CCSER1: variants seen among roughly 807,000 people sequenced by gnomAD.
CCSER1 encodes the protein coiled-coil serine rich protein 1, also known as serine-rich coiled-coil domain-containing protein 1.
CCSER1 carries 41 observed loss-of-function variants against 82.0 expected under a neutral mutation model. The ratio of observed to expected loss-of-function variants is 0.50; its 90% CI spans 0.39 to 0.65. The LOEUF (loss-of-function observed/expected upper bound fraction) is 0.65. Among genes scored for constraint, CCSER1 ranks in the 30% least tolerant of loss-of-function variants. The pLI, the probability that CCSER1 is intolerant of heterozygous loss-of-function variation, is 0.00. For missense variants in CCSER1, 1,119 were observed against 1,064.2 expected, an observed-to-expected ratio of 1.05 and a Z score of -0.72; for synonymous variants, 414 against 383.9, an observed-to-expected ratio of 1.08 and a Z score of -0.92.
At chr4:91,189,343 A>ATC (rs1317447358) in intron 10 of CCSER1, among the ~76,000 whole-genome samples, 59 of 152,322 alleles carry the variant, frequency 3.9e-4, no homozygotes, top group African/African-American at 1.4e-3. Flanking sequence ...TTTAGAGTAC[A>ATC]TGAATGTACT....
intron 9 of CCSER1, among the ~76,000 whole-genome samples, chr4:91,031,003 G>C (rs971803977): frequency 1.4e-4 from 22 of 152,136 alleles, no homozygotes; most frequent in African/African-American, 4.6e-4. Context: ...CTGTTAGCCA[G>C]ACATCTTACA....
intron 3 of CCSER1, among the ~76,000 whole-genome samples, chr4:90,360,403 G>C (rs1361059953): frequency 2.0e-5 from 3 of 150,492 alleles, no homozygotes; most frequent in Non-Finnish European, 4.4e-5. Flanking sequence ...GGTGGTGGGT[G>C]CCTGTAGTCC....
intron 3 of CCSER1, among the ~76,000 whole-genome samples, chr4:90,314,361 C>G (rs966361883): frequency 1.3e-5 from 2 of 152,056 alleles, no homozygotes; most frequent in African/African-American, 2.4e-5. Context: ...CCAATTGATG[C>G]ACCATTAAAA....
chr4:91,317,932 G>A (rs901601834), intron 10 of CCSER1, among the ~76,000 whole-genome samples: 3 of 151,950 alleles, frequency 2.0e-5, no homozygotes, highest in African/African-American at 7.2e-5. Context: ...ACTGTGCTTT[G>A]CTCCATTTGG....
intron 10 of CCSER1, among the ~76,000 whole-genome samples, chr4:91,332,209 A>G (rs2149277568): frequency 6.6e-6 from 1 of 152,100 alleles, no homozygotes; most frequent in African/African-American, 2.4e-5. Flanking sequence ...ATAATTATTT[A>G]TAGCATAATT....
intron 7 of CCSER1, among the ~76,000 whole-genome samples, chr4:90,725,981 C>G (rs1362281442): frequency 6.6e-6 from 1 of 151,804 alleles, no homozygotes; most frequent in Non-Finnish European, 1.5e-5. Context: ...TCCTCTTAAC[C>G]TCTTAGCTTA....
intron 9 of CCSER1, among the ~76,000 whole-genome samples, chr4:91,024,089 T>C (rs1188980249): frequency 1.3e-5 from 2 of 152,140 alleles, no homozygotes; most frequent in African/African-American, 4.8e-5. Context: ...CTTCCTCTTA[T>C]AAAGCCACGA....
At chr4:90,891,550 A>C (rs1322650381) in intron 8 of CCSER1, among the ~76,000 whole-genome samples, 1 of 151,984 alleles carries the variant, frequency 6.6e-6, no homozygotes, top group Non-Finnish European at 1.5e-5. Context: ...GTTTAATCAG[A>C]TCAGCTGAAT....
intron 10 of CCSER1, among the ~76,000 whole-genome samples, chr4:91,213,989 C>A (rs770690699): frequency 1.4e-4 from 21 of 152,070 alleles, no homozygotes; most frequent in Non-Finnish European, 2.9e-4. Flanking sequence ...ATAAATAAAA[C>A]CTTTCCTCTA....
chr4:90,479,316 C>A (rs2153596656), intron 5 of CCSER1, among the ~76,000 whole-genome samples: 1 of 152,150 alleles, frequency 6.6e-6, no homozygotes, highest in South Asian at 2.1e-4. Flanking sequence ...AGGAGGAAAA[C>A]TTTTTTTCAT....
At chr4:90,466,102 G>T (rs1466350033) in intron 4 of CCSER1, among the ~76,000 whole-genome samples, 1 of 152,170 alleles carries the variant, frequency 6.6e-6, no homozygotes, top group Non-Finnish European at 1.5e-5. Flanking sequence ...AGATGATAGG[G>T]CATCACTGCT....
At chr4:90,361,121 T>C (rs995230307) in intron 3 of CCSER1, among the ~76,000 whole-genome samples, 21 of 152,320 alleles carry the variant, frequency 1.4e-4, no homozygotes, top group African/African-American at 5.1e-4. Context: ...TCCTAAGAAA[T>C]GACAATCTAT....
chr4:91,051,231 G>A (rs1742977565), intron 9 of CCSER1, among the ~76,000 whole-genome samples: 1 of 152,106 alleles, frequency 6.6e-6, no homozygotes, highest in African/African-American at 2.4e-5. Flanking sequence ...TGAGCCCAAT[G>A]CAAATTATAT....
At chr4:91,369,598 ACTAT>A in intron 10 of CCSER1, among the ~76,000 whole-genome samples, 1 of 150,520 alleles carries the variant, frequency 6.6e-6, no homozygotes, top group African/African-American at 2.4e-5. Flanking sequence ...TAGAAGATTG[ACTAT>A]CAATTAGACA....
At chr4:90,193,950 A>C (rs1253287963) in intron 1 of CCSER1, among the ~76,000 whole-genome samples, 1 of 152,050 alleles carries the variant, frequency 6.6e-6, no homozygotes, top group Non-Finnish European at 1.5e-5. Context: ...TGGTCATTTA[A>C]ATATGCTGTA....
intron 5 of CCSER1, among the ~76,000 whole-genome samples, chr4:90,530,675 A>G (rs958689523): frequency 6.6e-6 from 1 of 152,094 alleles, no homozygotes; most frequent in African/African-American, 2.4e-5. Context: ...TATGTTATTG[A>G]CTATGTTAAT....
intron 9 of CCSER1, among the ~76,000 whole-genome samples, chr4:91,028,673 A>G (rs1254067027): frequency 6.6e-6 from 1 of 151,706 alleles, no homozygotes; most frequent in Non-Finnish European, 1.5e-5. Flanking sequence ...TTGTTTCTTT[A>G]GAGCTTGTTA....
At chr4:90,198,385 C>T (rs1736999381) in intron 1 of CCSER1, among the ~76,000 whole-genome samples, 1 of 152,100 alleles carries the variant, frequency 6.6e-6, no homozygotes, top group South Asian at 2.1e-4. Flanking sequence ...AACTATTTGC[C>T]AGGAACCAGA....
chr4:90,194,161 G>A (rs1736168590), intron 1 of CCSER1, among the ~76,000 whole-genome samples: 1 of 151,998 alleles, frequency 6.6e-6, no homozygotes, highest in South Asian at 2.1e-4. Flanking sequence ...TTATAGTTTG[G>A]CACAAATAGC....
Sources: gnomAD v4.1 joint callset for allele counts (sites outside exome capture counted in the v4.1 genomes callset) on GRCh38, gnomAD v4.1.1 for gene constraint, MANE v1.5 for transcripts, NCBI Gene and HGNC (gene_info 2026-07-23, HGNC 2026-07-21) for gene names.